ANKAR: variants seen among roughly 807,000 people sequenced by gnomAD.
The protein encoded by ANKAR is ankyrin and armadillo repeat containing, also known as ankyrin and armadillo repeat-containing protein.
A neutral mutation model predicts 146.2 loss-of-function variants in ANKAR; 136 were observed. The observed-to-expected ratio is 0.93, with a 90% CI of 0.81 to 1.07. The LOEUF is 1.07. Ranked by LOEUF, ANKAR falls within the 50% of genes least tolerant of loss-of-function variation. The pLI is 0.00. For missense variants in ANKAR, 1,567 were observed against 1,679.9 expected (o/e 0.93, Z 1.18); for synonymous variants, 500 against 575.8 (o/e 0.87, Z 1.88).
At chr2:189,731,178 A>G (rs16831925) in intron 16 of ANKAR, among the ~76,000 whole-genome samples, 34,154 of 151,994 alleles carry the variant, frequency 0.22, 4,062 homozygotes, top group African/African-American at 0.28. Context: ...CTTTAATAAA[A>G]TGACATTTAC....
rs536662373 is a variant in ANKAR at position 189,731,573 on chromosome 2, A to G, written c.3300+972A>G. On this transcript the variant is annotated intron_variant, in intron 16 of 22. Transcript: ENST00000684021. Reference sequence around the variant, plus strand: ...ATTTTTGTAGAGACGGGGTTTCACCATGTGGCCAGGCTGGTCTTGAATTCC... The same window carrying G: ...ATTTTTGTAGAGACGGGGTTTCACCGTGTGGCCAGGCTGGTCTTGAATTCC... Among the ~76,000 whole-genome samples the G allele has an allele frequency of 2.0e-5, 3 of 151,954 alleles. No homozygotes were observed. In the South Asian group the frequency reaches 6.2e-4, roughly 32 times the overall value.
intron 10 of ANKAR, among the ~76,000 whole-genome samples, chr2:189,713,889 A>G (rs1341668697): frequency 1.3e-5 from 2 of 152,246 alleles, no homozygotes; most frequent in African/African-American, 4.8e-5. Context: ...AGAGACACAC[A>G]TAGGCTCAAA....
intron 3 of ANKAR, among the ~76,000 whole-genome samples, chr2:189,691,637 A>G (rs1312714247): frequency 6.6e-6 from 1 of 151,212 alleles, no homozygotes; most frequent in East Asian, 1.9e-4. Flanking sequence ...AAATGTCTGT[A>G]CAATAAAACT....
chr2:189,681,613 C>T (rs1353483633), intron 2 of ANKAR, among the ~76,000 whole-genome samples: 3 of 152,206 alleles, frequency 2.0e-5, no homozygotes, highest in African/African-American at 7.2e-5. Context: ...ACCACCAGCA[C>T]AGTATTGGCA....
At chr2:189,677,888 G>T (rs1386767202) in intron 2 of ANKAR, among the ~76,000 whole-genome samples, 5 of 152,072 alleles carry the variant, frequency 3.3e-5, no homozygotes, top group African/African-American at 1.2e-4. Flanking sequence ...GAATTGTGCT[G>T]CTATAAACAT....
chr2:189,683,996 C>T (rs577715808), intron 2 of ANKAR, among the ~76,000 whole-genome samples: 1 of 152,272 alleles, frequency 6.6e-6, no homozygotes, highest in South Asian at 2.1e-4. Flanking sequence ...AAAATCTGGC[C>T]ATGTTACCCA....
At chr2:189,710,334 C>A (rs2039519872) in intron 9 of ANKAR, among the ~76,000 whole-genome samples, 1 of 152,146 alleles carries the variant, frequency 6.6e-6, no homozygotes, top group Non-Finnish European at 1.5e-5. Context: ...AAGCCTCATA[C>A]CTAATTTAAT....
chr2:189,713,795 C>T (rs527260080), intron 10 of ANKAR, among the ~76,000 whole-genome samples: 12 of 152,170 alleles, frequency 7.9e-5, no homozygotes, highest in African/African-American at 2.9e-4. Context: ...GCTAAATGCC[C>T]CAATTAAAAG....
At chr2:189,761,475 C>T, downstream of ANKAR, 2 of 1,612,682 alleles carry the variant, frequency 1.2e-6, no homozygotes, top group South Asian at 2.2e-5. Context: ...TTTCCAGTTT[C>T]ATCCACCACA....
At chr2:189,730,049 A>G (rs889006106) in intron 15 of ANKAR, among the ~76,000 whole-genome samples, 1 of 152,094 alleles carries the variant, frequency 6.6e-6, no homozygotes, top group Admixed American at 6.6e-5. Context: ...TATGTTATAA[A>G]GAGACATAGT....
chr2:189,746,719 A>G, downstream of ANKAR: 1 of 1,299,114 alleles, frequency 7.7e-7, no homozygotes, highest in South Asian at 1.8e-5. Context: ...ATAACTGAAT[A>G]ATCTTTTTGA....
chr2:189,719,474 A>G (rs2040982726), intron 10 of ANKAR, 98 bp from the exon 11 acceptor site: 3 of 890,468 alleles, frequency 3.4e-6, no homozygotes, highest in Non-Finnish European at 4.6e-6. Context: ...TTATATTGCA[A>G]TGCCCATAAA....
In ANKAR at chr2:189,754,270, C is replaced by A. The variant is rs3749014; in HGVS notation, c.*585-6828C>A. The A allele has an allele frequency of 2.9e-4, 476 of 1,613,748 alleles. 7 individuals carry two copies. In the East Asian group the frequency reaches 0.01, roughly 35 times the overall value. On this transcript the variant is annotated intron_variant and NMD_transcript_variant, in intron 18 of 18. Coordinates refer to the ANKAR transcript ENST00000441800. The stretch of plus-strand genomic sequence containing the variant: ...AAATGAAATCTATTTCCTTGTTTGG[C>A]CAAATGTTCTATGGCTTTCCCACCA...
intron 12 of ANKAR, among the ~76,000 whole-genome samples, chr2:189,723,758 C>T (rs142170356): frequency 4.6e-5 from 7 of 152,288 alleles, no homozygotes; most frequent in Admixed American, 1.3e-4. Flanking sequence ...CTGCTGCTTT[C>T]ATCCAGCATA....
intron 15 of ANKAR, among the ~76,000 whole-genome samples, chr2:189,730,187 C>T (rs993752120): frequency 8.5e-5 from 13 of 152,150 alleles, no homozygotes; most frequent in African/African-American, 2.7e-4. Context: ...AAGTACCTCG[C>T]ACATAATATT....
chr2:189,738,345 G>A (rs1451450705), intron 18 of ANKAR, among the ~76,000 whole-genome samples: 1 of 151,972 alleles, frequency 6.6e-6, no homozygotes, highest in African/African-American at 2.4e-5. Flanking sequence ...AAACATTGTA[G>A]GAAGAATAAT....
At chr2:189,740,900 G>T (rs1055682572) in intron 19 of ANKAR, among the ~76,000 whole-genome samples, 1 of 151,250 alleles carries the variant, frequency 6.6e-6, no homozygotes, top group Non-Finnish European at 1.5e-5. Context: ...CTCCATGTTG[G>T]TCAGGCTGGT....
At chr2:189,749,101 C>T (rs2044643518), downstream of ANKAR, among the ~76,000 whole-genome samples, 1 of 151,872 alleles carries the variant, frequency 6.6e-6, no homozygotes, top group African/African-American at 2.4e-5. Context: ...AAAAAATGAG[C>T]TGGGCATGGT....
rs2042761102 is a variant in ANKAR, at chr2:189,735,453, G to C, written c.3423+2224G>C. On this transcript the variant is annotated intron_variant, in intron 17 of 22. Transcript: ENST00000684021. The stretch of plus-strand genomic sequence containing the variant: ...CTACCTGCCCTGCAGAGGCACATTA[G>C]TGCTCTTAGGGCTTTAGAGACAGTA... 2.0e-5 allele frequency among the ~76,000 whole-genome samples: 3 copies of C among 152,218 alleles called. No individual in the cohort carries two copies. The South Asian group carries it at 6.2e-4, about 31-fold the overall frequency.
Sources: allele counts gnomAD v4.1 joint callset (sites outside exome capture counted in the v4.1 genomes callset), GRCh38; gene constraint gnomAD v4.1.1; transcripts MANE v1.5; gene names NCBI Gene and HGNC (gene_info 2026-07-23, HGNC 2026-07-21).